KRTAP8-1: variants seen among roughly 807,000 people sequenced by gnomAD.
KRTAP8-1 encodes the protein keratin-associated protein 8-1.
KRTAP8-1 carries 4 observed loss-of-function variants against 5.5 expected under a neutral mutation model. The observed-to-expected ratio is 0.73, with a 90% CI of 0.36 to 1.67. KRTAP8-1 has a LOEUF of 1.67. Ranked by LOEUF, KRTAP8-1 falls within the 40% of genes most tolerant of loss-of-function variation. The probability of loss-of-function intolerance (pLI) is 0.05; values close to 1 mark genes in which losing one functional copy is unlikely to be tolerated. For synonymous variants in KRTAP8-1, 35 were observed against 34.6 expected, an observed-to-expected ratio of 1.01 and a Z score of -0.04; for missense variants, 79 against 80.3, an observed-to-expected ratio of 0.98 and a Z score of 0.06.
chr21:30,812,793 C>A lies in KRTAP8-1; in HGVS notation c.*236G>T. On this transcript the variant is annotated 3_prime_UTR_variant, in exon 1 of 1. Transcript: ENST00000329621. ...TGGAAAATTCAAAAGTAGCTCATGACAAGTGGGAGGTCAAATTTCCGAAAA... is the reference window on the plus strand; with the variant it reads ...TGGAAAATTCAAAAGTAGCTCATGAAAAGTGGGAGGTCAAATTTCCGAAAA... 1 of 428,906 alleles carries A rather than the reference C, an allele frequency of 2.3e-6. No homozygotes were observed. The highest frequency in any genetic ancestry group is 4.2e-6 in the Non-Finnish European group (1 of 239,206). The allele number at this position is 428,906 out of a possible 1,614,324, so 26.6% of individuals were successfully genotyped here. A position where few individuals can be genotyped will look rare whatever the true frequency, so the allele number is the denominator to read the frequency against.
chr21:30,812,964 A>T lies in KRTAP8-1; in HGVS notation c.*65T>A. 1.3e-6 allele frequency: 2 copies of T among 1,500,964 alleles called. No homozygotes were observed. The highest frequency in any genetic ancestry group is 1.8e-6 in the Non-Finnish European group (2 of 1,098,788). The allele number at this position is 1,500,964 out of a possible 1,614,324, so 93.0% of individuals were successfully genotyped here. On this transcript the variant is annotated 3_prime_UTR_variant, in exon 1 of 1. Transcript: ENST00000329621. ...GACTGAAGGAGTGGATACGGGGGGA[A>T]CCTGGAGATGTGGGGCTCAGCCTTC...
Position 30,813,142 on chromosome 21 carries a change from C to G in KRTAP8-1, c.79G>C (p.Val27Leu). The G allele has an allele frequency of 1.2e-6, 2 of 1,613,920 alleles. No homozygotes were observed. Among genetic ancestry groups the G allele is most frequent in the Non-Finnish European group, 8.5e-7 (1 of 1,179,826 alleles). The change falls in exon 1 of 1, where the codon GTT becomes CTT. Residue 27 changes from valine to leucine, a missense_variant. Transcript: ENST00000329621. ...TAGGTGCTGCCATAGCCACAGCCAA[C>G]GCTATATCCCAGCGGGTAGCCATAG... ...GSYGYPLGYS[V>L]GCGYGSTYSP...
Position 30,813,030 on chromosome 21 carries a change from C to T in KRTAP8-1, c.191G>A (p.Ter64=). ...YRRYSPFALY[*] is the part of the protein sequence containing the mutation. ...CTACACCTCGGGGATTTCAGCCAAT[C>T]AGTAGAGAGCAAATGGCGAGTATCT... The change falls in exon 1 of 1, where the codon TGA becomes TAA. Residue 64 remains the stop codon, a stop_retained_variant. Coordinates refer to ENST00000329621, the MANE Select transcript of KRTAP8-1 (RefSeq NM_175857.4). The T allele has an allele frequency of 6.2e-7, 1 of 1,613,210 alleles. No homozygotes were observed. The highest frequency in any genetic ancestry group is 8.5e-7 in the Non-Finnish European group (1 of 1,179,490).
chr21:30,813,187 G>A lies in KRTAP8-1; in HGVS notation c.34C>T (p.Pro12Ser), dbSNP rs889925982. 2.5e-6 allele frequency: 4 copies of A among 1,613,940 alleles called. No individual in the cohort carries two copies. In the African/African-American group the frequency reaches 5.3e-5, roughly 22 times the overall value. The change falls in exon 1 of 1, where the codon CCA (proline) becomes TCA (serine). Residue 12 changes from proline to serine, a missense_variant. Transcript: ENST00000329621. Reference sequence around the variant, plus strand: ...CCATAGCTGCCCCAGTAGCATCCTGGGAAGACAGCCCCGGGGAAGTTGTCG... The same window carrying A: ...CCATAGCTGCCCCAGTAGCATCCTGAGAAGACAGCCCCGGGGAAGTTGTCG... ...LCDNFPGAVF[P>S]GCYWGSYGYP...
In KRTAP8-1 at chr21:30,813,234, G is replaced by C. The variant is rs752809539; in HGVS notation, c.-14C>G. ...GTCGCAGAGCATGGTGTCGGGAGTG[G>C]AGGGCTTAGGTAGCAACAGAGTGCG... On this transcript the variant is annotated 5_prime_UTR_variant, in exon 1 of 1. Transcript: ENST00000329621. 5 of 1,612,768 alleles carry C rather than the reference G, an allele frequency of 3.1e-6. No individual in the cohort carries two copies. The African/African-American group carries it at 4.0e-5, about 13-fold the overall frequency.
Position 30,813,248 on chromosome 21 carries a change from C to G in KRTAP8-1, c.-28G>C. On this transcript the variant is annotated 5_prime_UTR_variant, in exon 1 of 1. Coordinates refer to ENST00000329621, the MANE Select transcript of KRTAP8-1 (RefSeq NM_175857.4). ...TGTCGGGAGTGGAGGGCTTAGGTAG[C>G]AACAGAGTGCGTTTCCTCAGTGGGA... The G allele has an allele frequency of 4.4e-6, 7 of 1,607,422 alleles. No individual in the cohort carries two copies. Among genetic ancestry groups the G allele is most frequent in the Non-Finnish European group, 6.0e-6 (7 of 1,176,190 alleles).
Position 30,812,784 on chromosome 21 carries a change from A to C in KRTAP8-1, c.*245T>G. On this transcript the variant is annotated 3_prime_UTR_variant, in exon 1 of 1. Coordinates refer to ENST00000329621, the MANE Select transcript of KRTAP8-1 (RefSeq NM_175857.4). ...TGAGTGTCATGGAAAATTCAAAAGT[A>C]GCTCATGACAAGTGGGAGGTCAAAT... 2.5e-6 allele frequency: 1 copy of C among 397,286 alleles called. No individual in the cohort carries two copies. The allele number at this position is 397,286 out of a possible 1,614,324, so 24.6% of individuals were successfully genotyped here. A position where few individuals can be genotyped will look rare whatever the true frequency, so the allele number is the denominator to read the frequency against.
rs554623262 is a variant in KRTAP8-1 at position 30,812,958 on chromosome 21, G to A, written c.*71C>T. 60 of 1,478,632 alleles carry A rather than the reference G, an allele frequency of 4.1e-5. No individual in the cohort carries two copies. Among genetic ancestry groups the A allele is most frequent in the Middle Eastern group, 1.8e-4 (1 of 5,572 alleles). 91.6% of individuals were successfully genotyped at this position (1,478,632 alleles called of 1,614,324 possible). ...AATGAGGACTGAAGGAGTGGATACGGGGGGAACCTGGAGATGTGGGGCTCA... is the reference window on the plus strand; with the variant it reads ...AATGAGGACTGAAGGAGTGGATACGAGGGGAACCTGGAGATGTGGGGCTCA... On this transcript the variant is annotated 3_prime_UTR_variant, in exon 1 of 1. Transcript: ENST00000329621.
Position 30,812,950 on chromosome 21 carries a change from T to G in KRTAP8-1, c.*79A>C. 1 of 1,376,850 alleles carries G rather than the reference T, an allele frequency of 7.3e-7. No homozygotes were observed. The highest frequency in any genetic ancestry group is 1.0e-6 in the Non-Finnish European group (1 of 1,002,482). 85.3% of individuals were successfully genotyped at this position (1,376,850 alleles called of 1,614,324 possible). A position where few individuals can be genotyped will look rare whatever the true frequency, so the allele number is the denominator to read the frequency against. ...GATGAGCAAATGAGGACTGAAGGAG[T>G]GGATACGGGGGGAACCTGGAGATGT... On this transcript the variant is annotated 3_prime_UTR_variant, in exon 1 of 1. Transcript: ENST00000329621.
Position 30,812,904 on chromosome 21 carries a change from G to C in KRTAP8-1, c.*125C>G, listed in dbSNP as rs112897665. ...CTCCCCTGGGACTCGAGGTAAGTTGGAAAGCAGTGTCTCTGAGGTTGATGA... is the reference window on the plus strand; with the variant it reads ...CTCCCCTGGGACTCGAGGTAAGTTGCAAAGCAGTGTCTCTGAGGTTGATGA... On this transcript the variant is annotated 3_prime_UTR_variant, in exon 1 of 1. Transcript: ENST00000329621. The C allele has an allele frequency of 1.6e-4, 134 of 858,448 alleles. No individual in the cohort carries two copies. Among genetic ancestry groups the C allele is most frequent in the African/African-American group, 1.5e-3 (87 of 57,924 alleles). The allele number at this position is 858,448 out of a possible 1,614,324, so 53.2% of individuals were successfully genotyped here.
At position 30,812,903 on chromosome 21, in the gene KRTAP8-1, G is replaced by T; in HGVS notation, c.*126C>A. 1.2e-6 allele frequency: 1 copy of T among 838,062 alleles called. No individual in the cohort carries two copies. The highest frequency in any genetic ancestry group is 1.8e-6 in the Non-Finnish European group (1 of 566,840). 51.9% of individuals were successfully genotyped at this position (838,062 alleles called of 1,614,324 possible). The stretch of plus-strand genomic sequence containing the variant: ...CCTCCCCTGGGACTCGAGGTAAGTT[G>T]GAAAGCAGTGTCTCTGAGGTTGATG... On this transcript the variant is annotated 3_prime_UTR_variant, in exon 1 of 1. Transcript: ENST00000329621.
rs755058041 is a variant in KRTAP8-1 at position 30,813,107 on chromosome 21, C to T, written c.114G>A (p.Val38=). Residue 38 remains valine (V), a synonymous_variant, in exon 1 of 1, where the codon GTG becomes GTA. Transcript: ENST00000329621. The part of the protein sequence containing the change: ...GCGYGSTYSP[V]GYGFGYGYNG... Reference sequence around the variant, plus strand: ...TGTAGCCATAGCCGAAGCCATAGCCCACTGGAGAGTAGGTGCTGCCATAGC... The same window carrying T: ...TGTAGCCATAGCCGAAGCCATAGCCTACTGGAGAGTAGGTGCTGCCATAGC... 5.6e-6 allele frequency: 9 copies of T among 1,614,020 alleles called. No homozygotes were observed. The South Asian group carries it at 9.9e-5, about 18-fold the overall frequency.
At position 30,813,198 on chromosome 21, in the gene KRTAP8-1, C is replaced by A. The variant is rs760239952; in HGVS notation, c.23G>T (p.Gly8Val). ...CCAGTAGCATCCTGGGAAGACAGCCCCGGGGAAGTTGTCGCAGAGCATGGT... is the reference window on the plus strand; with the variant it reads ...CCAGTAGCATCCTGGGAAGACAGCCACGGGGAAGTTGTCGCAGAGCATGGT... MLCDNFP[G>V]AVFPGCYWGS... The change falls in exon 1 of 1, where the codon GGG becomes GTG. Residue 8 changes from glycine to valine, a missense_variant. Transcript: ENST00000329621. The A allele has an allele frequency of 6.2e-7, 1 of 1,613,886 alleles. No individual in the cohort carries two copies.
Position 30,812,850 on chromosome 21 carries a change from C to G in KRTAP8-1, c.*179G>C. The stretch of plus-strand genomic sequence containing the variant: ...AGAGAACATCAGCCAGGGGAGGCAG[C>G]TTGAGGAAGCGTCTGCTTTTTCATT... On this transcript the variant is annotated 3_prime_UTR_variant, in exon 1 of 1. Transcript: ENST00000329621. The G allele has an allele frequency of 1.8e-6, 1 of 551,578 alleles. No homozygotes were observed. Among genetic ancestry groups the G allele is most frequent in the Middle Eastern group, 5.0e-4 (1 of 1,994 alleles). 34.2% of individuals were successfully genotyped at this position (551,578 alleles called of 1,614,324 possible).
Position 30,813,176 on chromosome 21 carries a change from G to A in KRTAP8-1, c.45C>T (p.Tyr15=). 6.2e-7 allele frequency: 1 copy of A among 1,614,120 alleles called. No homozygotes were observed. The highest frequency in any genetic ancestry group is 8.5e-7 in the Non-Finnish European group (1 of 1,179,992). Residue 15 remains tyrosine (Y), a synonymous_variant, in exon 1 of 1, where the codon TAC becomes TAT. Transcript: ENST00000329621. ...CCAGCGGGTAGCCATAGCTGCCCCA[G>A]TAGCATCCTGGGAAGACAGCCCCGG... The part of the protein sequence containing the change: ...NFPGAVFPGC[Y]WGSYGYPLGY...
chr21:30,812,755 G>C lies in KRTAP8-1; in HGVS notation c.*274C>G, dbSNP rs547938194. ...AGACATATCCATGACTTCATCACAAGTCATGAGTGTCATGGAAAATTCAAA... is the reference window on the plus strand; with the variant it reads ...AGACATATCCATGACTTCATCACAACTCATGAGTGTCATGGAAAATTCAAA... On this transcript the variant is annotated 3_prime_UTR_variant, in exon 1 of 1. Coordinates refer to ENST00000329621, the MANE Select transcript of KRTAP8-1 (RefSeq NM_175857.4). The C allele has an allele frequency of 1.8e-5, 6 of 339,256 alleles. 1 individual carries two copies. In the South Asian group the frequency reaches 4.1e-4, roughly 23 times the overall value. 21.0% of individuals were successfully genotyped at this position (339,256 alleles called of 1,614,324 possible).
Position 30,812,840 on chromosome 21 carries a change from G to A in KRTAP8-1, c.*189C>T. 1 of 521,966 alleles carries A rather than the reference G, an allele frequency of 1.9e-6. No homozygotes were observed. The allele number at this position is 521,966 out of a possible 1,614,324, so 32.3% of individuals were successfully genotyped here. On this transcript the variant is annotated 3_prime_UTR_variant, in exon 1 of 1. Transcript: ENST00000329621. ...AAAATGTCCCAGAGAACATCAGCCA[G>A]GGGAGGCAGCTTGAGGAAGCGTCTG...
rs1209706601 is a variant in KRTAP8-1, at chr21:30,813,209, G to A, written c.12C>T (p.Asp4=). Residue 4 remains aspartate (D), a synonymous_variant, in exon 1 of 1, where the codon GAC becomes GAT. Transcript: ENST00000329621. Reference sequence around the variant, plus strand: ...CTGGGAAGACAGCCCCGGGGAAGTTGTCGCAGAGCATGGTGTCGGGAGTGG... The same window carrying A: ...CTGGGAAGACAGCCCCGGGGAAGTTATCGCAGAGCATGGTGTCGGGAGTGG... MLC[D]NFPGAVFPGC... is the part of the protein sequence containing the mutation. 2 of 1,613,988 alleles carry A rather than the reference G, an allele frequency of 1.2e-6. No homozygotes were observed. The highest frequency in any genetic ancestry group is 1.1e-5 in the South Asian group (1 of 91,076).
In KRTAP8-1 at chr21:30,813,258, C is replaced by A; in HGVS notation, c.-38G>T. 5 of 1,598,538 alleles carry A rather than the reference C, an allele frequency of 3.1e-6. No individual in the cohort carries two copies. The highest frequency in any genetic ancestry group is 4.3e-6 in the Non-Finnish European group (5 of 1,170,456). ...GGAGGGCTTAGGTAGCAACAGAGTG[C>A]GTTTCCTCAGTGGGATGGATTCCTA... On this transcript the variant is annotated 5_prime_UTR_variant, in exon 1 of 1. Coordinates refer to ENST00000329621, the MANE Select transcript of KRTAP8-1 (RefSeq NM_175857.4).
Sources: gnomAD v4.1 joint callset for allele counts on GRCh38, gnomAD v4.1.1 for gene constraint, MANE v1.5 for transcripts, NCBI Gene and HGNC (gene_info 2026-07-23, HGNC 2026-07-21) for gene names.